Variants in FOXP2 observed in about 807,000 individuals in gnomAD.
FOXP2 encodes forkhead box protein P2.
A neutral mutation model predicts 115.8 loss-of-function variants in FOXP2; 12 were observed. The ratio of observed to expected loss-of-function variants is 0.10; its 90% CI spans 0.07 to 0.17. The LOEUF (loss-of-function observed/expected upper bound fraction) is 0.17, where lower values mean the gene tolerates loss of function less well. FOXP2 is among the 10% of genes least tolerant of loss of function. FOXP2 has a pLI of 1.00. For synonymous variants in FOXP2, 328 were observed against 297.7 expected, an observed-to-expected ratio of 1.10 and a Z score of -1.05; for missense variants, 629 against 843.5, an observed-to-expected ratio of 0.75 and a Z score of 3.15.
At chr7:114,472,773 C>T (rs1320817929) in intron 2 of FOXP2, among the ~76,000 whole-genome samples, 1 of 152,080 alleles carries the variant, frequency 6.6e-6, no homozygotes, top group Non-Finnish European at 1.5e-5. Flanking sequence ...TTATAGTTTG[C>T]TAAGCTCAAA....
intron 1 of FOXP2, among the ~76,000 whole-genome samples, chr7:114,420,856 A>G (rs1486767096): frequency 6.6e-6 from 1 of 151,828 alleles, no homozygotes. Context: ...AGGAAGACTG[A>G]CAATTTAGCA....
chr7:114,099,003 C>T (rs775792929), intron 1 of FOXP2, among the ~76,000 whole-genome samples: 2 of 152,038 alleles, frequency 1.3e-5, no homozygotes, highest in African/African-American at 2.4e-5. Context: ...GGCATGGTGG[C>T]TTGTGCCTGT....
Position 114,398,332 on chromosome 7 carries a change from C to A in FOXP2, c.-10-28170C>A, listed in dbSNP as rs555908045. 1.6e-3 allele frequency among the ~76,000 whole-genome samples: 239 copies of A among 151,746 alleles called. 2 individuals carry two copies. Among genetic ancestry groups the A allele is most frequent in the African/African-American group, 5.6e-3 (230 of 41,392 alleles). On this transcript the variant is annotated intron_variant, in intron 2 of 17. Transcript: ENST00000634411. ...TTGGAAAAAATACTTCTTAAATAGACAATAAATGAAAGGAATCACAAAGAG... is the reference window on the plus strand; with the variant it reads ...TTGGAAAAAATACTTCTTAAATAGAAAATAAATGAAAGGAATCACAAAGAG...
At chr7:114,508,723 G>A (rs1024730683) in intron 2 of FOXP2, among the ~76,000 whole-genome samples, 7 of 152,032 alleles carry the variant, frequency 4.6e-5, no homozygotes, top group African/African-American at 1.7e-4. Context: ...AATAACAGCA[G>A]TAAAAAGGAT....
intron 3 of FOXP2, 56 bp downstream of exon 3, chr7:114,534,762 A>G (rs894630294): frequency 7.2e-7 from 1 of 1,395,732 alleles, no homozygotes; most frequent in Non-Finnish European, 1.0e-6. Flanking sequence ...TCATAATGAT[A>G]ACAGATGTGC....
chr7:114,230,963 A>G (rs1794859329), intron 1 of FOXP2, among the ~76,000 whole-genome samples: 1 of 119,910 alleles, frequency 8.3e-6, no homozygotes, highest in African/African-American at 3.3e-5. Flanking sequence ...ATATATAGAA[A>G]ACCCTAAAGA....
chr7:114,329,592 A>G (rs1027062575), intron 2 of FOXP2, among the ~76,000 whole-genome samples: 1 of 151,590 alleles, frequency 6.6e-6, no homozygotes, highest in Non-Finnish European at 1.5e-5. Context: ...ATAGGCTTTT[A>G]CCTTAATATG....
intron 1 of FOXP2, among the ~76,000 whole-genome samples, chr7:114,283,150 T>C (rs1412523228): frequency 6.6e-6 from 1 of 152,230 alleles, no homozygotes; most frequent in Non-Finnish European, 1.5e-5. Flanking sequence ...ATATCAGCCT[T>C]CATAGCCAAT....
At chr7:114,525,330 C>T (rs1440003217) in intron 2 of FOXP2, among the ~76,000 whole-genome samples, 1 of 152,164 alleles carries the variant, frequency 6.6e-6, no homozygotes, top group African/African-American at 2.4e-5. Context: ...ACATTATCCT[C>T]TCTGGCTTCA....
intron 2 of FOXP2, among the ~76,000 whole-genome samples, chr7:114,342,658 C>T (rs1584650924): frequency 6.6e-6 from 1 of 151,378 alleles, no homozygotes; most frequent in Non-Finnish European, 1.5e-5. Flanking sequence ...TGTTTCACAT[C>T]AAAGTTATTT....
chr7:114,170,837 C>G (rs921967529), intron 1 of FOXP2, among the ~76,000 whole-genome samples: 1 of 152,222 alleles, frequency 6.6e-6, no homozygotes, highest in Non-Finnish European at 1.5e-5. Context: ...TGAGGTGAAA[C>G]AGCACATGCT....
intron 2 of FOXP2, among the ~76,000 whole-genome samples, chr7:114,405,664 G>A (rs1258478871): frequency 6.6e-6 from 1 of 151,686 alleles, no homozygotes; most frequent in Non-Finnish European, 1.5e-5. Context: ...GTGTTTAAAG[G>A]GTAAATGAAA....
At chr7:114,262,053 T>G (rs6949175) in intron 1 of FOXP2, among the ~76,000 whole-genome samples, 6 of 151,924 alleles carry the variant, frequency 3.9e-5, no homozygotes, top group African/African-American at 1.5e-4. Flanking sequence ...AGCGAGACTC[T>G]GTCTCAAAAA....
intron 3 of FOXP2, among the ~76,000 whole-genome samples, chr7:114,599,767 G>A (rs1453038907): frequency 6.6e-6 from 1 of 151,910 alleles, no homozygotes; most frequent in African/African-American, 2.4e-5. Context: ...AAGTATTGAT[G>A]AAATTATGTC....
At chr7:114,294,055 G>T (rs1796675856) in intron 2 of FOXP2, among the ~76,000 whole-genome samples, 1 of 152,120 alleles carries the variant, frequency 6.6e-6, no homozygotes. Flanking sequence ...GAAATATGAT[G>T]TCTCTCAGGC....
chr7:114,114,857 G>T (rs1791361092), intron 1 of FOXP2, among the ~76,000 whole-genome samples: 1 of 152,066 alleles, frequency 6.6e-6, no homozygotes, highest in South Asian at 2.1e-4. Context: ...ATCCAAGACT[G>T]AAAACAGCAA....
intron 2 of FOXP2, among the ~76,000 whole-genome samples, chr7:114,453,957 G>A (rs888728400): frequency 6.6e-6 from 1 of 151,968 alleles, no homozygotes; most frequent in African/African-American, 2.4e-5. Flanking sequence ...CATAGGCATG[G>A]GCAAGGACTT....
intron 7 of FOXP2, among the ~76,000 whole-genome samples, 176 bp downstream of exon 7, chr7:114,642,799 TATATATA>T (rs1257295158): frequency 0.014 from 800 of 57,326 alleles, 52 homozygotes; most frequent in Non-Finnish European, 0.022. Context: ...TATATATATA[TATATATA>T]TATATATTTT....
chr7:114,347,339 C>T (rs1282207413), intron 2 of FOXP2, among the ~76,000 whole-genome samples: 1 of 151,912 alleles, frequency 6.6e-6, no homozygotes, highest in Non-Finnish European at 1.5e-5. Context: ...CATATACATA[C>T]ATATACACAC....
Sources: gnomAD v4.1 joint callset for allele counts (sites outside exome capture counted in the v4.1 genomes callset) on GRCh38, gnomAD v4.1.1 for gene constraint, MANE v1.5 for transcripts, NCBI Gene and HGNC (gene_info 2026-07-23, HGNC 2026-07-21) for gene names.